Variants in ST3GAL3 observed in about 807,000 individuals in gnomAD.
ST3GAL3 encodes CMP-N-acetylneuraminate-beta-1,4-galactoside alpha-2,3-sialyltransferase.
In ST3GAL3, 21 loss-of-function variants were observed where a neutral mutation model predicts 50.1. The ratio of observed to expected loss-of-function variants is 0.42; its 90% CI spans 0.30 to 0.60. ST3GAL3 has a LOEUF of 0.60. Among genes scored for constraint, ST3GAL3 ranks in the 20% least tolerant of loss-of-function variants. The pLI is 0.19. For missense variants in ST3GAL3, 353 were observed against 489.4 expected, an observed-to-expected ratio of 0.72 and a Z score of 2.63; for synonymous variants, 183 against 190.0, an observed-to-expected ratio of 0.96 and a Z score of 0.30.
chr1:43,779,541 C>T (rs1698653120), intron 2 of ST3GAL3, among the ~76,000 whole-genome samples: 1 of 152,140 alleles, frequency 6.6e-6, no homozygotes, highest in Non-Finnish European at 1.5e-5. Flanking sequence ...ACCTCTGAAT[C>T]TCTAATAACA....
chr1:43,740,842 G>C (rs1171211311), intron 2 of ST3GAL3, among the ~76,000 whole-genome samples: 2 of 149,742 alleles, frequency 1.3e-5, no homozygotes, highest in African/African-American at 2.5e-5. Context: ...GAGAGAAAGA[G>C]AAGGAGAGAG....
At chr1:43,860,618 A>C (rs2069667827) in intron 5 of ST3GAL3, among the ~76,000 whole-genome samples, 1 of 152,222 alleles carries the variant, frequency 6.6e-6, no homozygotes, top group Admixed American at 6.5e-5. Context: ...AGCATTTGCT[A>C]AAGGAAGAAA....
At chr1:43,926,768 G>T (rs1429997898) in intron 11 of ST3GAL3, among the ~76,000 whole-genome samples, 1 of 152,178 alleles carries the variant, frequency 6.6e-6, no homozygotes, top group African/African-American at 2.4e-5. Flanking sequence ...TGTCTGCATA[G>T]AATTAGGAAA....
intron 11 of ST3GAL3, among the ~76,000 whole-genome samples, chr1:43,929,217 A>G (rs1197755270): frequency 6.6e-6 from 1 of 152,206 alleles, no homozygotes; most frequent in Non-Finnish European, 1.5e-5. Context: ...GGCTTGATTT[A>G]ATTATTCCAC....
chr1:43,833,941 G>A (rs1451675926), intron 4 of ST3GAL3, among the ~76,000 whole-genome samples: 1 of 151,958 alleles, frequency 6.6e-6, no homozygotes, highest in African/African-American at 2.4e-5. Flanking sequence ...TTCCCCCTCC[G>A]CCTTCTCACA....
At chr1:43,914,820 G>C (rs1182258019) in intron 9 of ST3GAL3, among the ~76,000 whole-genome samples, 1 of 152,190 alleles carries the variant, frequency 6.6e-6, no homozygotes, top group East Asian at 1.9e-4. Context: ...CAGGGGCTGT[G>C]CTGTGCTGTG....
intron 5 of ST3GAL3, among the ~76,000 whole-genome samples, chr1:43,849,001 A>G (rs779998299): frequency 3.9e-5 from 6 of 152,010 alleles, no homozygotes; most frequent in Non-Finnish European, 5.9e-5. Flanking sequence ...AGGTCTTCTT[A>G]TATCTTCTGT....
chr1:43,901,447 GTCATGGGTGTTA>G (rs755204561), intron 9 of ST3GAL3, among the ~76,000 whole-genome samples: 15 of 152,248 alleles, frequency 9.9e-5, no homozygotes, highest in Non-Finnish European at 1.8e-4. Context: ...GTCAGAGCCT[GTCATGGGTGTTA>G]TCACATGTTC....
chr1:43,763,717 C>G (rs1376948523), intron 2 of ST3GAL3, among the ~76,000 whole-genome samples: 1 of 152,196 alleles, frequency 6.6e-6, no homozygotes, highest in African/African-American at 2.4e-5. Flanking sequence ...AACTCACTTA[C>G]TAGACCGTGG....
At chr1:43,850,376 G>A in intron 5 of ST3GAL3, 2 of 554,342 alleles carry the variant, frequency 3.6e-6, no homozygotes, top group Non-Finnish European at 3.5e-6. Context: ...CACACCCCTG[G>A]TATTTATGCC....
chr1:43,765,789 G>GTC, intron 2 of ST3GAL3, among the ~76,000 whole-genome samples: 1 of 128,726 alleles, frequency 7.8e-6, no homozygotes, highest in African/African-American at 4.5e-5. Context: ...GTGTGTGCGC[G>GTC]CGCGCGCGCG....
At chr1:43,891,007 G>A (rs1445176278) in intron 5 of ST3GAL3, among the ~76,000 whole-genome samples, 4 of 152,158 alleles carry the variant, frequency 2.6e-5, no homozygotes, top group Admixed American at 6.5e-5. Flanking sequence ...TGACGAGCCT[G>A]GAAATGATGA....
chr1:43,792,221 A>G, intron 3 of ST3GAL3, 72 bp downstream of exon 3: 2 of 1,593,390 alleles, frequency 1.3e-6, no homozygotes, highest in Non-Finnish European at 8.6e-7. Context: ...AGCCTAATCA[A>G]GTATGGGTTT....
chr1:43,721,527 C>T (rs1315682493), intron 1 of ST3GAL3, among the ~76,000 whole-genome samples: 1 of 151,974 alleles, frequency 6.6e-6, no homozygotes, highest in Non-Finnish European at 1.5e-5. Flanking sequence ...TGGTCTCGAA[C>T]TCCCGACCTC....
At chr1:43,898,071 G>T in intron 6 of ST3GAL3, 164 bp from the exon 7 acceptor site, 1 of 751,624 alleles carries the variant, frequency 1.3e-6, no homozygotes, top group South Asian at 1.5e-5. Flanking sequence ...TTCTCAGGAA[G>T]AAAGTCAGGG....
chr1:43,858,031 A>C (rs2068945163), intron 5 of ST3GAL3: 1 of 783,966 alleles, frequency 1.3e-6, no homozygotes, highest in Non-Finnish European at 1.9e-6. Flanking sequence ...ATGGTTTGAG[A>C]AGTGTCGGAC....
intron 1 of ST3GAL3, among the ~76,000 whole-genome samples, chr1:43,732,754 AACATTCATG>A (rs1571694164): frequency 6.6e-6 from 1 of 152,316 alleles, no homozygotes; most frequent in East Asian, 1.9e-4. Flanking sequence ...GTTGCTAATG[AACATTCATG>A]TACATGTCCT....
intron 5 of ST3GAL3, among the ~76,000 whole-genome samples, chr1:43,848,872 TATATTGCTATGTCTTC>T (rs1035648376): frequency 2.0e-5 from 3 of 152,224 alleles, no homozygotes; most frequent in Non-Finnish European, 2.9e-5. Context: ...TTGGATAGTT[TATATTGCTATGTCTTC>T]ACATTTATAG....
intron 3 of ST3GAL3, among the ~76,000 whole-genome samples, chr1:43,814,493 C>T (rs2154176808): frequency 6.6e-6 from 1 of 152,314 alleles, no homozygotes; most frequent in South Asian, 2.1e-4. Flanking sequence ...ATCCTCACCC[C>T]ATGGCTAAGG....
Sources: gnomAD v4.1 joint callset for allele counts (sites outside exome capture counted in the v4.1 genomes callset) on GRCh38, gnomAD v4.1.1 for gene constraint, MANE v1.5 for transcripts, NCBI Gene and HGNC (gene_info 2026-07-23, HGNC 2026-07-21) for gene names.